NCK2: variants seen among roughly 807,000 people sequenced by gnomAD.
NCK2 encodes the protein cytoplasmic protein NCK2.
A neutral mutation model predicts 33.9 loss-of-function variants in NCK2; 16 were observed. The observed-to-expected ratio is 0.47, with a 90% CI of 0.32 to 0.72. NCK2 has a LOEUF of 0.72. Ranked by LOEUF, NCK2 falls within the 30% of genes least tolerant of loss-of-function variation. The pLI, the probability that NCK2 is intolerant of heterozygous loss-of-function variation, is 0.03. For synonymous variants in NCK2, 273 were observed against 239.9 expected, an observed-to-expected ratio of 1.14 and a Z score of -1.27; for missense variants, 418 against 537.3, an observed-to-expected ratio of 0.78 and a Z score of 2.19.
chr2:105,866,276 G>A (rs936612920), intron 3 of NCK2, among the ~76,000 whole-genome samples: 5 of 152,142 alleles, frequency 3.3e-5, no homozygotes, highest in African/African-American at 4.8e-5. Flanking sequence ...CAAATGCTCC[G>A]TGATCTTATC....
chr2:105,888,127 C>T (rs1217907490), intron 4 of NCK2, among the ~76,000 whole-genome samples: 1 of 152,026 alleles, frequency 6.6e-6, no homozygotes. Flanking sequence ...GATAGAGGCC[C>T]CGAGAGAGGT....
At chr2:105,843,089 G>A (rs915447596) in intron 2 of NCK2, among the ~76,000 whole-genome samples, 2 of 152,104 alleles carry the variant, frequency 1.3e-5, no homozygotes, top group Non-Finnish European at 2.9e-5. Context: ...GGATCAGAGT[G>A]TTAGGGCATT....
intron 4 of NCK2, among the ~76,000 whole-genome samples, chr2:105,889,068 A>G (rs1678851320): frequency 6.6e-6 from 1 of 152,218 alleles, no homozygotes; most frequent in African/African-American, 2.4e-5. Flanking sequence ...AAGGACTGCA[A>G]CAGATGAGAA....
chr2:105,754,707 C>A (rs1001668656), intron 1 of NCK2, among the ~76,000 whole-genome samples: 1 of 150,078 alleles, frequency 6.7e-6, no homozygotes, highest in Non-Finnish European at 1.5e-5. Flanking sequence ...AACTGCTCTG[C>A]ATGATGGAAG....
chr2:105,871,293 C>A (rs528257219), intron 3 of NCK2, among the ~76,000 whole-genome samples: 3 of 151,766 alleles, frequency 2.0e-5, no homozygotes, highest in Non-Finnish European at 4.4e-5. Flanking sequence ...GGAGACAGGC[C>A]TTTAGACAGG....
At chr2:105,830,699 G>GTGTGTGTGTA (rs1042657479) in intron 2 of NCK2, among the ~76,000 whole-genome samples, 1 of 151,324 alleles carries the variant, frequency 6.6e-6, no homozygotes, top group African/African-American at 2.4e-5. Flanking sequence ...GTGTGTGTGT[G>GTGTGTGTGTA]TGTGTGTGTG....
At chr2:105,859,311 A>T (rs568545668) in intron 3 of NCK2, among the ~76,000 whole-genome samples, 1 of 152,276 alleles carries the variant, frequency 6.6e-6, no homozygotes, top group South Asian at 2.1e-4. Flanking sequence ...CCAAAAAGTT[A>T]CGGTTCCATT....
chr2:105,751,295 A>C (rs1689447602), intron 1 of NCK2, among the ~76,000 whole-genome samples: 1 of 152,132 alleles, frequency 6.6e-6, no homozygotes, highest in African/African-American at 2.4e-5. Context: ...TTCTACCTCC[A>C]AAAGATCTAA....
chr2:105,829,319 T>A (rs1324588858), intron 2 of NCK2, among the ~76,000 whole-genome samples: 1 of 152,190 alleles, frequency 6.6e-6, no homozygotes, highest in Non-Finnish European at 1.5e-5. Context: ...TTTAGAACAC[T>A]TTTAGATTTA....
chr2:105,877,598 GAA>G (rs1156246686), intron 3 of NCK2, among the ~76,000 whole-genome samples: 2 of 152,192 alleles, frequency 1.3e-5, no homozygotes, highest in Non-Finnish European at 2.9e-5. Context: ...ATTCTGTAGA[GAA>G]AGAGAAAAGG....
chr2:105,838,535 A>AT (rs1558863513), intron 2 of NCK2, among the ~76,000 whole-genome samples: 1 of 152,186 alleles, frequency 6.6e-6, no homozygotes, highest in Non-Finnish European at 1.5e-5. Context: ...TAAAATTTAA[A>AT]TTTTTTAATG....
intron 1 of NCK2, among the ~76,000 whole-genome samples, chr2:105,755,420 G>C (rs1689572429): frequency 6.6e-6 from 1 of 152,172 alleles, no homozygotes; most frequent in African/African-American, 2.4e-5. Flanking sequence ...ACTTGATTGT[G>C]CCGAGCACCT....
chr2:105,767,815 G>A (rs1238448560), intron 1 of NCK2, among the ~76,000 whole-genome samples: 1 of 150,162 alleles, frequency 6.7e-6, no homozygotes, highest in Non-Finnish European at 1.5e-5. Context: ...ATTGTCTCAG[G>A]GGATTGCTAG....
chr2:105,745,151 AG>A lies in NCK2; in HGVS notation c.-201+15del, dbSNP rs989390920. The A allele has an allele frequency of 1.3e-5, 2 of 149,240 alleles. No homozygotes were observed. The highest frequency in any genetic ancestry group is 4.9e-5 in the African/African-American group (2 of 40,878). 9.2% of individuals were successfully genotyped at this position (149,240 alleles called of 1,614,324 possible). ...GGCCCACGGCGAGGTAAGCGCGGCT[AG>A]GCGGGCGTGGGGCGGGGGCCACAAA... On this transcript the variant is annotated intron_variant, in intron 1 of 4. Coordinates refer to ENST00000233154, the MANE Select transcript of NCK2 (RefSeq NM_003581.5).
chr2:105,795,079 A>G (rs1353587970), intron 1 of NCK2, among the ~76,000 whole-genome samples: 1 of 152,222 alleles, frequency 6.6e-6, no homozygotes, highest in Non-Finnish European at 1.5e-5. Context: ...GTTTTCTCAT[A>G]TATCCAGTTC....
At chr2:105,820,478 G>A (rs1301823792) in intron 2 of NCK2, among the ~76,000 whole-genome samples, 1 of 152,134 alleles carries the variant, frequency 6.6e-6, no homozygotes, top group Non-Finnish European at 1.5e-5. Flanking sequence ...CTTGAGTAAC[G>A]TCTCAGCCCA....
At chr2:105,813,862 T>A (rs752147534) in intron 1 of NCK2, among the ~76,000 whole-genome samples, 3 of 152,228 alleles carry the variant, frequency 2.0e-5, no homozygotes, top group Non-Finnish European at 4.4e-5. Flanking sequence ...ATACGTACGG[T>A]ATCAGTGTTA....
At chr2:105,768,843 G>A (rs1443358385) in intron 1 of NCK2, among the ~76,000 whole-genome samples, 1 of 152,142 alleles carries the variant, frequency 6.6e-6, no homozygotes, top group East Asian at 1.9e-4. Context: ...TGGGACGAGG[G>A]GTGGGAGTCC....
chr2:105,801,769 G>A (rs1336299524), intron 1 of NCK2, among the ~76,000 whole-genome samples: 2 of 151,982 alleles, frequency 1.3e-5, no homozygotes, highest in East Asian at 1.9e-4. Flanking sequence ...GTGTCCACTC[G>A]GGGGAACAAA....
Sources: allele counts gnomAD v4.1 joint callset (sites outside exome capture counted in the v4.1 genomes callset), GRCh38; gene constraint gnomAD v4.1.1; transcripts MANE v1.5; gene names NCBI Gene and HGNC (gene_info 2026-07-23, HGNC 2026-07-21).